Variants in EXOC3L2 observed in about 807,000 individuals in gnomAD.
EXOC3L2 encodes the protein exocyst complex component 3-like protein 2.
Under a neutral mutation model 44.4 loss-of-function variants are expected in EXOC3L2, and 17 were observed. The ratio of observed to expected loss-of-function variants is 0.38; its 90% CI spans 0.26 to 0.57. The LOEUF (loss-of-function observed/expected upper bound fraction) is 0.57. EXOC3L2 is among the 20% of genes least tolerant of loss of function. The probability of loss-of-function intolerance (pLI) is 0.65; values close to 1 mark genes in which losing one functional copy is unlikely to be tolerated. For synonymous variants in EXOC3L2, 256 were observed against 253.7 expected, an observed-to-expected ratio of 1.01 and a Z score of -0.09; for missense variants, 541 against 588.4, an observed-to-expected ratio of 0.92 and a Z score of 0.83.
intron 8 of EXOC3L2, among the ~76,000 whole-genome samples, chr19:45,219,009 C>T (rs1321519283): frequency 2.0e-5 from 3 of 151,966 alleles, no homozygotes; most frequent in South Asian, 2.1e-4. Context: ...AAGGCTGCGG[C>T]GGGTGGATCA....
chr19:45,242,551 C>T (rs1970138721), intron 1 of EXOC3L2, among the ~76,000 whole-genome samples: 1 of 152,100 alleles, frequency 6.6e-6, no homozygotes, highest in Non-Finnish European at 1.5e-5. Context: ...AGCCACCATC[C>T]ACTGCCCTGA....
At chr19:45,213,869 C>T (rs968785163) in intron 11 of EXOC3L2, among the ~76,000 whole-genome samples, 1 of 151,764 alleles carries the variant, frequency 6.6e-6, no homozygotes, top group Admixed American at 6.6e-5. Context: ...CAAGAGAATC[C>T]CTTAAACCTG....
At position 45,238,723 on chromosome 19, in the gene EXOC3L2, G is replaced by A; in HGVS notation, c.323C>T (p.Ala108Val). 1 of 398,964 alleles carries A rather than the reference G, an allele frequency of 2.5e-6. No individual in the cohort carries two copies. The highest frequency in any genetic ancestry group is 4.4e-6 in the Non-Finnish European group (1 of 225,954). The allele number at this position is 398,964 out of a possible 1,614,324, so 24.7% of individuals were successfully genotyped here. ...GTGGGCTCGGGTCCCATGCAGCCGG[G>A]CCAGGAGGCCAAAATCTGCTGAGCT... is the stretch of plus-strand genomic sequence containing the variant. ...RRSSADFGLL[A>V]RLHGTRAHGD... Residue 108 changes from alanine to valine, a missense_variant, in exon 2 of 12, where the codon GCC (alanine) becomes GTC (valine). Coordinates refer to ENST00000413988, the MANE Select transcript of EXOC3L2 (RefSeq NM_001382422.1). The surrounding 1 kb of genome is among the most constrained non-coding windows in gnomAD (Gnocchi z 5.5).
rs1357135702 is a variant in EXOC3L2, at chr19:45,239,063, T to TG, written c.-16-3dup. ...ATAGGCATTTTGACAGGTGGGGACC[T>TG]GGGGAAAAAAATAATGACCATGGGC... On this transcript the variant is annotated splice_region_variant and splice_polypyrimidine_tract_variant and intron_variant, in intron 1 of 11. Coordinates refer to ENST00000413988, the MANE Select transcript of EXOC3L2 (RefSeq NM_001382422.1). The TG allele has an allele frequency of 5.0e-6, 2 of 398,914 alleles. No individual in the cohort carries two copies. The highest frequency in any genetic ancestry group is 8.8e-6 in the Non-Finnish European group (2 of 226,120). 24.7% of individuals were successfully genotyped at this position (398,914 alleles called of 1,614,324 possible).
At chr19:45,216,955 A>G (rs1346587572) in intron 10 of EXOC3L2, 1 of 149,652 alleles carries the variant, frequency 6.7e-6, no homozygotes, top group African/African-American at 2.4e-5. Context: ...TTTTAATTCC[A>G]GGGTTTAGAA....
intron 3 of EXOC3L2, among the ~76,000 whole-genome samples, chr19:45,232,990 T>G (rs2122983612): frequency 6.6e-6 from 1 of 152,092 alleles, no homozygotes; most frequent in East Asian, 1.9e-4. Flanking sequence ...TCGAGGCAAG[T>G]GGATCACCTG....
At chr19:45,217,409 G>A in intron 10 of EXOC3L2, 119 bp downstream of exon 10, 1 of 1,256,894 alleles carries the variant, frequency 8.0e-7, no homozygotes, top group Non-Finnish European at 1.0e-6. Flanking sequence ...CCCGAAGTTG[G>A]GTGAGAGTTT....
chr19:45,219,392 T>TAAAAAAAAAAAAA (rs1358373692), intron 8 of EXOC3L2, among the ~76,000 whole-genome samples: 1 of 54,446 alleles, frequency 1.8e-5, no homozygotes, highest in Non-Finnish European at 3.0e-5. Context: ...AGGCCCCGTC[T>TAAAAAAAAAAAAA]CAAAAAAAAA....
In EXOC3L2 at chr19:45,213,158, G is replaced by A. The variant is rs1298637621; in HGVS notation, c.2320C>T (p.Leu774Phe). The A allele has an allele frequency of 2.5e-6, 4 of 1,591,850 alleles. No homozygotes were observed. Among genetic ancestry groups the A allele is most frequent in the Non-Finnish European group, 3.4e-6 (4 of 1,169,514 alleles). Reference sequence around the variant, plus strand: ...GGCCTGGCCAGCCGGGAGAGGGGGAGGCGGCCCAGGAAGAGAGGGAGGCTG... The same window carrying A: ...GGCCTGGCCAGCCGGGAGAGGGGGAAGCGGCCCAGGAAGAGAGGGAGGCTG... ...CLSLPLFLGR[L>F]PLSRLARPSL... The change falls in exon 12 of 12, where the codon CTC becomes TTC. Residue 774 changes from leucine to phenylalanine, a missense_variant. Coordinates refer to ENST00000413988, the MANE Select transcript of EXOC3L2 (RefSeq NM_001382422.1).
chr19:45,213,058 T>G lies in EXOC3L2; in HGVS notation c.*11A>C, dbSNP rs1190929623. On this transcript the variant is annotated 3_prime_UTR_variant, in exon 12 of 12. Coordinates refer to ENST00000413988, the MANE Select transcript of EXOC3L2 (RefSeq NM_001382422.1). ...TAGATGGGGTCACTAAGGCCGGCGG[T>G]TGGGTGACCCTCAGCGCTGGGCCCG... 6.8e-7 allele frequency: 1 copy of G among 1,470,866 alleles called. No individual in the cohort carries two copies. The highest frequency in any genetic ancestry group is 9.0e-7 in the Non-Finnish European group (1 of 1,116,332). The allele number at this position is 1,470,866 out of a possible 1,614,324, so 91.1% of individuals were successfully genotyped here.
At chr19:45,214,032 C>T (rs1256708485) in intron 11 of EXOC3L2, among the ~76,000 whole-genome samples, 1 of 152,100 alleles carries the variant, frequency 6.6e-6, no homozygotes, top group African/African-American at 2.4e-5. Flanking sequence ...ATCTCAAGCT[C>T]AACCCCCTAA....
intron 11 of EXOC3L2, among the ~76,000 whole-genome samples, chr19:45,214,245 A>G (rs1159052581): frequency 6.6e-6 from 1 of 152,030 alleles, no homozygotes; most frequent in Non-Finnish European, 1.5e-5. Context: ...CAATTCCAGG[A>G]CCCCCACCCT....
intron 10 of EXOC3L2, among the ~76,000 whole-genome samples, 171 bp from the exon 11 acceptor site, chr19:45,216,365 G>A (rs1309200494): frequency 6.6e-6 from 1 of 152,098 alleles, no homozygotes; most frequent in Non-Finnish European, 1.5e-5. Flanking sequence ...GATCACTAGA[G>A]GTCAGGACAT....
chr19:45,235,037 A>G (rs1360153816), intron 2 of EXOC3L2, among the ~76,000 whole-genome samples: 1 of 152,136 alleles, frequency 6.6e-6, no homozygotes, highest in Non-Finnish European at 1.5e-5. Flanking sequence ...TGAGGGGCTC[A>G]TGCTTGTAAT....
In EXOC3L2 at chr19:45,224,843, C is replaced by G; in HGVS notation, c.1654G>C (p.Ala552Pro). The part of the protein sequence containing the change: ...SEPAREASAS[A>P]LDHVTRLCHR... ...CAGAGCCGGGTCACATGGTCCAGAG[C>G]ACTAGCAGATGCTTCCCGGGCCGGC... The change falls in exon 8 of 12, where the codon GCT (alanine) becomes CCT (proline). Residue 552 changes from alanine to proline, a missense_variant. By Grantham distance (27) the Ala-to-Pro change is conservative (BLOSUM62 -1). Coordinates refer to ENST00000413988, the MANE Select transcript of EXOC3L2 (RefSeq NM_001382422.1). 4 of 1,591,616 alleles carry G rather than the reference C, an allele frequency of 2.5e-6. No individual in the cohort carries two copies. The highest frequency in any genetic ancestry group is 3.4e-6 in the Non-Finnish European group (4 of 1,169,546).
At chr19:45,241,815 C>T (rs1447205471) in intron 1 of EXOC3L2, among the ~76,000 whole-genome samples, 1 of 152,210 alleles carries the variant, frequency 6.6e-6, no homozygotes, top group African/African-American at 2.4e-5. Flanking sequence ...GTTCCCACAC[C>T]TCACCTCTGC....
chr19:45,216,604 A>G (rs1172365260), intron 10 of EXOC3L2: 1 of 153,738 alleles, frequency 6.5e-6, no homozygotes, highest in East Asian at 1.9e-4. Context: ...AAATAAAAAT[A>G]AAAAATAAAA....
intron 4 of EXOC3L2, among the ~76,000 whole-genome samples, chr19:45,230,440 A>C (rs968242644): frequency 1.1e-4 from 17 of 152,048 alleles, no homozygotes; most frequent in African/African-American, 3.9e-4. Context: ...GGATGGTCTC[A>C]ATCTCCTGAC....
chr19:45,215,824 C>A (rs866462462), intron 11 of EXOC3L2, among the ~76,000 whole-genome samples: 2 of 152,232 alleles, frequency 1.3e-5, no homozygotes, highest in Non-Finnish European at 2.9e-5. Context: ...CCTGCGCCCC[C>A]CTGCCCTGGG....
Sources: allele counts gnomAD v4.1 joint callset (sites outside exome capture counted in the v4.1 genomes callset), GRCh38; gene constraint gnomAD v4.1.1; non-coding constraint Gnocchi (gnomAD v3.1); transcripts MANE v1.5; gene names NCBI Gene and HGNC (gene_info 2026-07-23, HGNC 2026-07-21).